Variants in LRP1B observed in about 807,000 individuals in gnomAD.
LRP1B encodes the protein LDL receptor related protein 1B, also known as low-density lipoprotein receptor-related protein 1B.
A neutral mutation model predicts 556.6 loss-of-function variants in LRP1B; 217 were observed. The observed-to-expected ratio is 0.39, with a 90% confidence interval of 0.35 to 0.44. The LOEUF (loss-of-function observed/expected upper bound fraction) is 0.44, where lower values mean the gene tolerates loss of function less well. LRP1B is among the 20% of genes least tolerant of loss of function. The probability of loss-of-function intolerance (pLI) is 1.00; values close to 1 mark genes in which losing one functional copy is unlikely to be tolerated. For missense variants in LRP1B, 5,053 were observed against 5,620.8 expected (o/e 0.90, Z 3.23); for synonymous variants, 2,047 against 1,865.8 (o/e 1.10, Z -2.50).
At chr2:141,380,165 G>A (rs1359019829) in intron 3 of LRP1B, among the ~76,000 whole-genome samples, 1 of 151,708 alleles carries the variant, frequency 6.6e-6, no homozygotes, top group African/African-American at 2.4e-5. Flanking sequence ...GAACAAAGCG[G>A]CAGTTTTGAG....
intron 7 of LRP1B, among the ~76,000 whole-genome samples, chr2:141,162,795 T>TG (rs1315549334): frequency 3.9e-5 from 6 of 152,148 alleles, no homozygotes; most frequent in African/African-American, 1.2e-4. Flanking sequence ...GTTCACAAAA[T>TG]ATATTAACAA....
At chr2:141,491,138 T>C (rs1424193976) in intron 2 of LRP1B, among the ~76,000 whole-genome samples, 1 of 152,116 alleles carries the variant, frequency 6.6e-6, no homozygotes, top group Non-Finnish European at 1.5e-5. Context: ...GTTGATTGAT[T>C]CTCATATCAC....
chr2:141,878,552 A>C (rs1698845807), intron 1 of LRP1B, among the ~76,000 whole-genome samples: 1 of 151,994 alleles, frequency 6.6e-6, no homozygotes, highest in Admixed American at 6.6e-5. Context: ...AAAGACAGAA[A>C]AGAGTTTAAC....
chr2:141,500,554 G>A lies in LRP1B; in HGVS notation c.206-20021C>T, dbSNP rs74826804. ...AAGGGAAATAAAATGGATGGAGTCT[G>A]GGAATTATATGGTAAGTCAATGATT... On this transcript the variant is annotated intron_variant, in intron 2 of 90. Transcript: ENST00000389484. Among the ~76,000 whole-genome samples, 738 of 152,190 alleles carry A rather than the reference G, an allele frequency of 4.8e-3. 6 individuals are homozygous for A. Among genetic ancestry groups the A allele is most frequent in the Non-Finnish European group, 6.5e-3 (441 of 67,990 alleles).
intron 68 of LRP1B, among the ~76,000 whole-genome samples, chr2:140,373,784 A>G (rs1299682313): frequency 2.6e-5 from 4 of 152,136 alleles, no homozygotes; most frequent in Admixed American, 2.6e-4. Context: ...TCCTGTCTCT[A>G]AACAATTTTT....
At chr2:141,799,143 C>T (rs532427103) in intron 2 of LRP1B, among the ~76,000 whole-genome samples, 34 of 152,178 alleles carry the variant, frequency 2.2e-4, no homozygotes, top group East Asian at 9.7e-4. Flanking sequence ...CCCGCGCAGA[C>T]GAATACGCTA....
chr2:140,389,807 G>A (rs1683936338), intron 66 of LRP1B, among the ~76,000 whole-genome samples: 1 of 149,992 alleles, frequency 6.7e-6, no homozygotes, highest in South Asian at 2.1e-4. Flanking sequence ...AGATTTTCTT[G>A]AAGAAACAGA....
intron 35 of LRP1B, among the ~76,000 whole-genome samples, chr2:140,729,686 C>T (rs780300053): frequency 3.9e-5 from 6 of 152,068 alleles, no homozygotes; most frequent in Admixed American, 2.0e-4. Flanking sequence ...ACTCAATCAC[C>T]CTCTTGTAAG....
rs1553503422 is a variant in LRP1B, at chr2:141,365,655, C to CTTTTTTTTTTTTTTGGT, written c.344-111015_344-111014insACCAAAAAAAAAAAAAA. 1.7e-4 allele frequency among the ~76,000 whole-genome samples: 20 copies of CTTTTTTTTTTTTTTGGT among 121,146 alleles called. 1 individual carries two copies. Among genetic ancestry groups the CTTTTTTTTTTTTTTGGT allele is most frequent in the African/African-American group, 4.4e-4 (14 of 31,700 alleles). The allele number at this position is 121,146 out of a possible 152,430, so 79.5% of individuals were successfully genotyped here. ...TTTTTGTTTTGGTTTGTTTTTGTTGCTTTTTTTTTTTTTTTGAGACAGAGT... is the reference window on the plus strand; with the variant it reads ...TTTTTGTTTTGGTTTGTTTTTGTTGCTTTTTTTTTTTTTTGGTTTTTTTTTTTTTTTTGAGACAGAGT... On this transcript the variant is annotated intron_variant, in intron 3 of 90. Transcript: ENST00000389484.
intron 35 of LRP1B, among the ~76,000 whole-genome samples, chr2:140,738,896 T>C (rs1688040374): frequency 6.6e-6 from 1 of 152,188 alleles, no homozygotes; most frequent in Non-Finnish European, 1.5e-5. Flanking sequence ...TTATTTAGTC[T>C]ATAATTGGAT....
chr2:141,661,523 TCACAATGCAAC>T (rs1690221240), intron 2 of LRP1B, among the ~76,000 whole-genome samples: 2 of 151,880 alleles, frequency 1.3e-5, no homozygotes, highest in South Asian at 4.2e-4. Context: ...CACGAGAACT[TCACAATGCAAC>T]CACAAGTATC....
At chr2:141,251,858 A>G (rs576207896) in intron 4 of LRP1B, among the ~76,000 whole-genome samples, 1 of 152,224 alleles carries the variant, frequency 6.6e-6, no homozygotes, top group East Asian at 1.9e-4. Flanking sequence ...GAAGAAATTG[A>G]AAGGAATGGT....
chr2:141,733,584 T>C (rs1246654613), intron 2 of LRP1B, among the ~76,000 whole-genome samples: 1 of 152,124 alleles, frequency 6.6e-6, no homozygotes, highest in African/African-American at 2.4e-5. Flanking sequence ...AGAATAAAGT[T>C]TAAATTGCTT....
Position 140,670,228 on chromosome 2 carries a change from T to C in LRP1B, c.6799+30022A>G, listed in dbSNP as rs985727792. On this transcript the variant is annotated intron_variant, in intron 41 of 90. Coordinates refer to ENST00000389484, the MANE Select transcript of LRP1B (RefSeq NM_018557.3). ...AAATTAATGTTTGCATTTATATCCA[T>C]TGCTTCCTGAAACTTAACTAAAATT... Among the ~76,000 whole-genome samples the C allele has an allele frequency of 2.0e-5, 3 of 152,292 alleles. No individual in the cohort carries two copies. In the East Asian group the frequency reaches 5.8e-4, roughly 29 times the overall value.
At chr2:142,115,179 A>G (rs1574701061) in intron 1 of LRP1B, among the ~76,000 whole-genome samples, 1 of 151,988 alleles carries the variant, frequency 6.6e-6, no homozygotes, top group East Asian at 1.9e-4. Context: ...TTCAGTTAGA[A>G]GTCTGTAAAA....
chr2:141,532,330 T>C (rs1684914796), intron 2 of LRP1B, among the ~76,000 whole-genome samples: 1 of 67,574 alleles, frequency 1.5e-5, no homozygotes, highest in Non-Finnish European at 4.6e-5. Flanking sequence ...CTTAAATAAA[T>C]TCTGTTGCTC....
intron 21 of LRP1B, among the ~76,000 whole-genome samples, chr2:140,918,979 A>C (rs1003650577): frequency 6.6e-6 from 1 of 151,882 alleles, no homozygotes; most frequent in Non-Finnish European, 1.5e-5. Context: ...TCTGCTTGTC[A>C]TATCTGTGCT....
chr2:141,647,353 A>G (rs1285438877), intron 2 of LRP1B, among the ~76,000 whole-genome samples: 1 of 152,200 alleles, frequency 6.6e-6, no homozygotes, highest in Non-Finnish European at 1.5e-5. Context: ...TAAATAAGAT[A>G]GAGGAAGCGT....
intron 3 of LRP1B, among the ~76,000 whole-genome samples, chr2:141,406,993 C>G (rs1303009751): frequency 1.3e-5 from 2 of 151,944 alleles, no homozygotes; most frequent in African/African-American, 2.4e-5. Context: ...TTAGAGAAAT[C>G]TTTTTCAAAA....
Sources: allele counts gnomAD v4.1 joint callset (sites outside exome capture counted in the v4.1 genomes callset), GRCh38; gene constraint gnomAD v4.1.1; transcripts MANE v1.5; gene names NCBI Gene and HGNC (gene_info 2026-07-23, HGNC 2026-07-21).